SNAP29: variants seen among roughly 807,000 people sequenced by gnomAD.
The protein encoded by SNAP29 is synaptosome associated protein 29.
A neutral mutation model predicts 27.9 loss-of-function variants in SNAP29; 13 were observed. That is an observed-to-expected ratio of 0.47 (90% confidence interval 0.30 to 0.74). The LOEUF is 0.74. Ranked by LOEUF, SNAP29 falls within the 30% of genes least tolerant of loss-of-function variation. The probability of loss-of-function intolerance (pLI) is 0.06; values close to 1 mark genes in which losing one functional copy is unlikely to be tolerated. For synonymous variants in SNAP29, 119 were observed against 127.1 expected, an observed-to-expected ratio of 0.94 and a Z score of 0.43; for missense variants, 368 against 336.5, an observed-to-expected ratio of 1.09 and a Z score of -0.73.
At chr22:20,868,025 C>T (rs527944014) in intron 1 of SNAP29, among the ~76,000 whole-genome samples, 1 of 152,296 alleles carries the variant, frequency 6.6e-6, no homozygotes, top group South Asian at 2.1e-4. Flanking sequence ...GCTTCTTCTG[C>T]AGCCTGCAAA....
chr22:20,872,248 TA>T (rs1273142771), intron 2 of SNAP29, among the ~76,000 whole-genome samples: 5 of 150,290 alleles, frequency 3.3e-5, no homozygotes, highest in Admixed American at 6.7e-5. Flanking sequence ...TTTATTTATT[TA>T]TTTTTTTTGA....
intron 2 of SNAP29, among the ~76,000 whole-genome samples, chr22:20,876,833 CT>C (rs1928757962): frequency 6.6e-6 from 1 of 152,052 alleles, no homozygotes; most frequent in African/African-American, 2.4e-5. Flanking sequence ...GCCTCAAAAG[CT>C]TTTAAAATAA....
intron 1 of SNAP29, among the ~76,000 whole-genome samples, chr22:20,866,357 C>T (rs537966915): frequency 1.4e-3 from 211 of 152,352 alleles, no homozygotes; most frequent in Non-Finnish European, 1.8e-3. Context: ...TGTGCCTGTG[C>T]ACACTCCCTT....
chr22:20,865,404 G>A (rs1015413013), intron 1 of SNAP29, among the ~76,000 whole-genome samples: 3 of 152,030 alleles, frequency 2.0e-5, no homozygotes, highest in Non-Finnish European at 4.4e-5. Flanking sequence ...TTGCTGGCTT[G>A]TTGGCTGTAA....
rs745459211 is a variant in SNAP29, at chr22:20,870,367, C to T, written c.268C>T (p.Arg90Cys). The change falls in exon 2 of 5, where the codon CGC becomes TGC. Residue 90 changes from arginine (R) to cysteine (C), a missense_variant. Coordinates refer to ENST00000215730, the MANE Select transcript of SNAP29 (RefSeq NM_004782.4). ...ELARQRGVLE[R>C]TEKMVDKMDQ... The stretch of plus-strand genomic sequence containing the variant: ...CGCCCGTCAGCGAGGAGTCCTGGAG[C>T]GCACAGAGAAGATGGTGGACAAGAT... The T allele has an allele frequency of 8.7e-6, 14 of 1,613,950 alleles. No individual in the cohort carries two copies. Among genetic ancestry groups the T allele is most frequent in the East Asian group, 6.7e-5 (3 of 44,876 alleles).
At chr22:20,887,606 C>T in intron 4 of SNAP29, 73 bp from the exon 5 acceptor site, 1 of 1,532,982 alleles carries the variant, frequency 6.5e-7, no homozygotes, top group Non-Finnish European at 9.0e-7. Flanking sequence ...CCCACTTACC[C>T]ACACCATCAA....
At chr22:20,878,705 C>T (rs1443789074) in intron 2 of SNAP29, among the ~76,000 whole-genome samples, 2 of 152,106 alleles carry the variant, frequency 1.3e-5, no homozygotes, top group East Asian at 1.9e-4. Flanking sequence ...GCAAAAATTG[C>T]GAGTAACCCT....
chr22:20,887,694 G>A lies in SNAP29; in HGVS notation c.635G>A (p.Gly212Glu). 2 of 1,614,182 alleles carry A rather than the reference G, an allele frequency of 1.2e-6. No individual in the cohort carries two copies. The highest frequency in any genetic ancestry group is 1.7e-6 in the Non-Finnish European group (2 of 1,180,046). Reference sequence around the variant, plus strand: ...CCTCCTGCAGATGAGCTGTCCATGGGACTGGGTCGTCTGAAGGACATAGCC... The same window carrying A: ...CCTCCTGCAGATGAGCTGTCCATGGAACTGGGTCGTCTGAAGGACATAGCC... Reference protein sequence around the residue: ...IDSNLDELSMGLGRLKDIALG... With the variant: ...IDSNLDELSMELGRLKDIALG... Residue 212 changes from glycine to glutamate, a missense_variant, in exon 5 of 5, where the codon GGA (glycine) becomes GAA (glutamate). By Grantham distance (98) the Gly-to-Glu change is moderately conservative. Coordinates refer to ENST00000215730, the MANE Select transcript of SNAP29 (RefSeq NM_004782.4).
intron 4 of SNAP29, among the ~76,000 whole-genome samples, chr22:20,884,473 T>C (rs1469337103): frequency 6.6e-6 from 1 of 152,148 alleles, no homozygotes; most frequent in African/African-American, 2.4e-5. Flanking sequence ...CGTGTGGGAT[T>C]TCTGATGTGA....
intron 1 of SNAP29, among the ~76,000 whole-genome samples, chr22:20,862,011 C>T (rs1384426576): frequency 6.6e-6 from 1 of 152,182 alleles, no homozygotes; most frequent in Admixed American, 6.5e-5. Flanking sequence ...CTTAGGTGAT[C>T]TGCCCACCTC....
chr22:20,861,781 C>T (rs1219573976), intron 1 of SNAP29, among the ~76,000 whole-genome samples: 7 of 152,136 alleles, frequency 4.6e-5, no homozygotes, highest in Non-Finnish European at 7.4e-5. Context: ...CTTACAGGCA[C>T]CCGCCGCCAT....
At chr22:20,869,636 A>G (rs1928538319) in intron 1 of SNAP29, among the ~76,000 whole-genome samples, 1 of 152,120 alleles carries the variant, frequency 6.6e-6, no homozygotes, top group Non-Finnish European at 1.5e-5. Flanking sequence ...TTCCTAAAGG[A>G]AGAATATAAG....
At chr22:20,879,938 C>G (rs557474659) in intron 2 of SNAP29, among the ~76,000 whole-genome samples, 1 of 151,054 alleles carries the variant, frequency 6.6e-6, no homozygotes, top group Non-Finnish European at 1.5e-5. Flanking sequence ...GGGAGGATCA[C>G]GAGCCTAGGA....
In SNAP29 at chr22:20,883,536, C is replaced by T. The variant is rs909351177; in HGVS notation, c.586C>T (p.Arg196Ter). 6.8e-6 allele frequency: 11 copies of T among 1,613,414 alleles called. No homozygotes were observed. The highest frequency in any genetic ancestry group is 6.7e-5 in the Admixed American group (4 of 60,012). Residue 196 changes from arginine (R) to a stop codon, truncating the protein, a stop_gained, in exon 4 of 5, where the codon CGA becomes TGA. Coordinates refer to ENST00000215730, the MANE Select transcript of SNAP29 (RefSeq NM_004782.4). LOFTEE classifies it high-confidence loss of function. ...TDAYPKNPHL[R>*]AYHQKIDSNL... is the part of the protein sequence containing the mutation. Reference sequence around the variant, plus strand: ...TGCTTACCCAAAGAACCCACACCTTCGAGCCTATCACCAGAAGATCGACAG... The same window carrying T: ...TGCTTACCCAAAGAACCCACACCTTTGAGCCTATCACCAGAAGATCGACAG...
chr22:20,859,029 C>CGGCGGGCG lies in SNAP29; in HGVS notation c.-79_-72dup. On this transcript the variant is annotated 5_prime_UTR_variant, in exon 1 of 5. Transcript: ENST00000215730. ...GGAGTTCGCGCGACGACCGCGGGGT[C>CGGCGGGCG]GGCGGGCGGGGCGAGGCCCTGGACG... is the stretch of plus-strand genomic sequence containing the variant. The CGGCGGGCG allele has an allele frequency of 1.4e-6, 2 of 1,391,462 alleles. No individual in the cohort carries two copies. Among genetic ancestry groups the CGGCGGGCG allele is most frequent in the Middle Eastern group, 2.0e-4 (1 of 5,096 alleles). The allele number at this position is 1,391,462 out of a possible 1,614,324, so 86.2% of individuals were successfully genotyped here.
intron 2 of SNAP29, among the ~76,000 whole-genome samples, chr22:20,876,694 A>G (rs912649309): frequency 4.0e-5 from 6 of 151,710 alleles, no homozygotes; most frequent in Non-Finnish European, 8.8e-5. Context: ...CAGCTTCCCA[A>G]GCAGCTGGGA....
intron 1 of SNAP29, chr22:20,859,702 CATTAT>C: frequency 3.1e-6 from 1 of 326,066 alleles, no homozygotes; most frequent in South Asian, 3.2e-5. Flanking sequence ...GTTTCTTCGA[CATTAT>C]TTCCTGTGCA....
rs1363748977 is a variant in SNAP29, at chr22:20,888,311, T to TCTCACACACACACA, written c.*476_*477insTCACACACACACAC. ...CACACCTTTGTTTAGGAGTCATCATTCACACACACACACACACACACACAC... is the reference window on the plus strand; with the variant it reads ...CACACCTTTGTTTAGGAGTCATCATTCTCACACACACACACACACACACACACACACACACACAC... On this transcript the variant is annotated 3_prime_UTR_variant, in exon 5 of 5. Transcript: ENST00000215730. 2 of 173,888 alleles carry TCTCACACACACACA rather than the reference T, an allele frequency of 1.2e-5. No homozygotes were observed. The highest frequency in any genetic ancestry group is 6.7e-5 in the African/African-American group (2 of 29,738). 10.8% of individuals were successfully genotyped at this position (173,888 alleles called of 1,614,324 possible).
At chr22:20,864,368 A>C (rs1374229239) in intron 1 of SNAP29, among the ~76,000 whole-genome samples, 1 of 152,108 alleles carries the variant, frequency 6.6e-6, no homozygotes, top group Admixed American at 6.6e-5. Flanking sequence ...TCCAGCACAC[A>C]ACAGTCACCC....
Sources: allele counts gnomAD v4.1 joint callset (sites outside exome capture counted in the v4.1 genomes callset), GRCh38; gene constraint gnomAD v4.1.1; transcripts MANE v1.5; gene names NCBI Gene and HGNC (gene_info 2026-07-23, HGNC 2026-07-21).